CHST11: variants seen among roughly 807,000 people sequenced by gnomAD.
CHST11 encodes the protein C4S-1.
CHST11 carries 9 observed loss-of-function variants against 30.4 expected under a neutral mutation model. That is an observed-to-expected ratio of 0.30 (90% CI 0.18 to 0.52). The LOEUF (loss-of-function observed/expected upper bound fraction) is 0.52. CHST11 is among the 20% of genes least tolerant of loss of function. The pLI is 0.97. For missense variants in CHST11, 348 were observed against 460.6 expected (o/e 0.76, Z 2.24); for synonymous variants, 152 against 187.8 (o/e 0.81, Z 1.56).
At chr12:104,744,844 CATTTATTTATTTATTTATTTATTT>C (rs142255091) in intron 2 of CHST11, among the ~76,000 whole-genome samples, 33 of 148,210 alleles carry the variant, frequency 2.2e-4, no homozygotes, top group Non-Finnish European at 7.4e-5. Context: ...ATCCCAGCAT[CATTTATTTATTTATTTATTTATTT>C]ATTTATTTAT....
chr12:104,536,593 G>A (rs374359057), intron 1 of CHST11, among the ~76,000 whole-genome samples: 25 of 152,262 alleles, frequency 1.6e-4, no homozygotes, highest in African/African-American at 5.8e-4. Context: ...TTTTTGGATC[G>A]GATCAGAACT....
At chr12:104,672,726 C>T (rs1460199246) in intron 2 of CHST11, among the ~76,000 whole-genome samples, 1 of 152,238 alleles carries the variant, frequency 6.6e-6, no homozygotes, top group Non-Finnish European at 1.5e-5. Flanking sequence ...GGCTGGAAAA[C>T]TGGCTCGTGA....
intron 2 of CHST11, among the ~76,000 whole-genome samples, chr12:104,605,484 C>A (rs1305279017): frequency 1.3e-5 from 2 of 152,274 alleles, no homozygotes; most frequent in East Asian, 1.9e-4. Flanking sequence ...GAGGCTGAGG[C>A]AGGAGAATGG....
intron 1 of CHST11, among the ~76,000 whole-genome samples, chr12:104,592,294 C>G (rs1294779692): frequency 6.6e-6 from 1 of 152,122 alleles, no homozygotes; most frequent in East Asian, 1.9e-4. Flanking sequence ...ATACCATAAA[C>G]TGGGTGGCTT....
intron 1 of CHST11, among the ~76,000 whole-genome samples, chr12:104,459,217 C>T (rs1279611162): frequency 6.6e-6 from 1 of 152,178 alleles, no homozygotes; most frequent in Non-Finnish European, 1.5e-5. Flanking sequence ...GCTTGCATTC[C>T]GGCAGGCAGG....
Position 104,457,472 on chromosome 12 carries a change from AC to A in CHST11, c.62del (p.Thr21IlefsTer65). 6.2e-7 allele frequency: 1 copy of A among 1,614,192 alleles called. No homozygotes were observed. Among genetic ancestry groups the A allele is most frequent in the Non-Finnish European group, 8.5e-7 (1 of 1,179,976 alleles). ...MNRICRMVLATCLGSFILVIF... is the reference protein window; with the variant it reads ...MNRICRMVLAXCLGSFILVIF... Reference sequence around the variant, plus strand: ...CAGAATCTGCCGGATGGTGCTGGCCACTTGCTTGGGATCCTTTATCCTGGTC... The same window carrying A: ...CAGAATCTGCCGGATGGTGCTGGCCATTGCTTGGGATCCTTTATCCTGGTC... On this transcript the variant is annotated frameshift_variant, in exon 1 of 3. Coordinates refer to ENST00000303694, the MANE Select transcript of CHST11 (RefSeq NM_018413.6). LOFTEE classifies it high-confidence loss of function.
chr12:104,667,138 T>C (rs752466507), intron 2 of CHST11, among the ~76,000 whole-genome samples: 9 of 152,238 alleles, frequency 5.9e-5, no homozygotes, highest in African/African-American at 9.6e-5. Flanking sequence ...ACAAGAATTA[T>C]TCAGTTCCGT....
intron 2 of CHST11, among the ~76,000 whole-genome samples, chr12:104,749,420 G>T (rs1458843537): frequency 6.6e-6 from 1 of 151,956 alleles, no homozygotes; most frequent in Non-Finnish European, 1.5e-5. Context: ...ATTTCATACT[G>T]CACATATGTC....
intron 1 of CHST11, among the ~76,000 whole-genome samples, chr12:104,548,024 C>T (rs905902073): frequency 1.3e-5 from 2 of 152,180 alleles, no homozygotes; most frequent in African/African-American, 4.8e-5. Flanking sequence ...GCTGACCTCC[C>T]ACCTTCAGAC....
chr12:104,738,243 G>A (rs965340291), intron 2 of CHST11, among the ~76,000 whole-genome samples: 4 of 152,126 alleles, frequency 2.6e-5, no homozygotes, highest in Non-Finnish European at 5.9e-5. Flanking sequence ...GACAGCCATG[G>A]AGCCCTTCCC....
chr12:104,724,385 T>TG (rs1162393164), intron 2 of CHST11, among the ~76,000 whole-genome samples: 1 of 151,970 alleles, frequency 6.6e-6, no homozygotes, highest in Non-Finnish European at 1.5e-5. Flanking sequence ...CGGGGGTTGG[T>TG]GATGGTTGCA....
intron 2 of CHST11, among the ~76,000 whole-genome samples, chr12:104,691,156 A>C (rs80070294): frequency 0.022 from 3,371 of 152,298 alleles, 120 homozygotes; most frequent in African/African-American, 0.077. Context: ...CCAGGTCCTC[A>C]GTTTCTCTAC....
chr12:104,496,611 C>G (rs1490243196), intron 1 of CHST11, among the ~76,000 whole-genome samples: 1 of 152,156 alleles, frequency 6.6e-6, no homozygotes, highest in Non-Finnish European at 1.5e-5. Flanking sequence ...CTAACAGGGC[C>G]AATTAAGTCT....
chr12:104,514,357 A>G (rs1189355759), intron 1 of CHST11: 3 of 939,934 alleles, frequency 3.2e-6, no homozygotes, highest in Non-Finnish European at 5.3e-6. Flanking sequence ...CTCTTCTTCT[A>G]TGCCATTCTG....
intron 1 of CHST11, among the ~76,000 whole-genome samples, chr12:104,596,624 T>C (rs1271066904): frequency 6.6e-6 from 1 of 152,198 alleles, no homozygotes; most frequent in Admixed American, 6.5e-5. Context: ...ACTTAACCTC[T>C]CTGGGCTTCA....
At chr12:104,494,645 A>G (rs2037782212) in intron 1 of CHST11, among the ~76,000 whole-genome samples, 1 of 152,212 alleles carries the variant, frequency 6.6e-6, no homozygotes, top group African/African-American at 2.4e-5. Context: ...TCGTAGGCGT[A>G]TTAGCTCTGT....
intron 2 of CHST11, among the ~76,000 whole-genome samples, chr12:104,750,452 T>TTTTTTTTTTTTTTTTTTTTTTTTG (rs1566064718): frequency 1.8e-5 from 2 of 113,552 alleles, no homozygotes; most frequent in African/African-American, 7.2e-5. Flanking sequence ...TTTTTTTTTT[T>TTTTTTTTTTTTTTTTTTTTTTTTG]TTTTGTTGAG....
chr12:104,471,735 T>A (rs964402425), intron 1 of CHST11, among the ~76,000 whole-genome samples: 1 of 152,156 alleles, frequency 6.6e-6, no homozygotes, highest in Non-Finnish European at 1.5e-5. Flanking sequence ...TTGCAACAGG[T>A]ACTCAATATT....
chr12:104,660,923 T>C (rs1300549465), intron 2 of CHST11, among the ~76,000 whole-genome samples: 1 of 152,134 alleles, frequency 6.6e-6, no homozygotes, highest in Non-Finnish European at 1.5e-5. Context: ...TTTCTGTGGT[T>C]CTCATCCTTC....
Sources: gnomAD v4.1 joint callset for allele counts (sites outside exome capture counted in the v4.1 genomes callset) on GRCh38, gnomAD v4.1.1 for gene constraint, MANE v1.5 for transcripts, NCBI Gene and HGNC (gene_info 2026-07-23, HGNC 2026-07-21) for gene names.